Variants in OPHN1 observed in about 807,000 individuals in gnomAD.
The protein encoded by OPHN1 is oligophrenin-1.
In OPHN1, 11 loss-of-function variants were observed where a neutral mutation model predicts 60.7. The ratio of observed to expected loss-of-function variants is 0.18; its 90% CI spans 0.11 to 0.30. The LOEUF (loss-of-function observed/expected upper bound fraction) is 0.30. Among genes scored for constraint, OPHN1 ranks in the 10% least tolerant of loss-of-function variants. OPHN1 has a pLI of 1.00. For synonymous variants in OPHN1, 226 were observed against 222.6 expected (o/e 1.02, Z -0.14); for missense variants, 449 against 611.0 (o/e 0.73, Z 2.80).
chrX:68,137,398 T>G (rs1280256243), intron 15 of OPHN1, among the ~76,000 whole-genome samples: 6 of 112,013 alleles, frequency 5.4e-5, no homozygotes, highest in Non-Finnish European at 1.1e-4. Flanking sequence ...AAACAATGAC[T>G]TCTATCTCGA....
chrX:68,408,983 T>C (rs1475500872), intron 2 of OPHN1, among the ~76,000 whole-genome samples: 1 of 112,236 alleles, frequency 8.9e-6, no homozygotes, highest in Admixed American at 9.4e-5. Context: ...TAATAATAAT[T>C]AGCAACTAAT....
intron 6 of OPHN1, among the ~76,000 whole-genome samples, chrX:68,232,409 G>A (rs1259581048): frequency 6.3e-5 from 7 of 111,217 alleles, no homozygotes; most frequent in Non-Finnish European, 1.3e-4. Flanking sequence ...GATCTCTCAC[G>A]GTGGTGTCAC....
intron 2 of OPHN1, among the ~76,000 whole-genome samples, chrX:68,318,839 GAGA>G (rs2078221792): frequency 9.0e-6 from 1 of 111,463 alleles, no homozygotes; most frequent in African/African-American, 3.3e-5. Context: ...TGCCGGTTTT[GAGA>G]AGTACTGCTC....
chrX:68,087,308 G>T (rs777283285), intron 19 of OPHN1, among the ~76,000 whole-genome samples: 1 of 112,146 alleles, frequency 8.9e-6, no homozygotes, highest in Non-Finnish European at 1.9e-5. Context: ...ATGGGCCTTG[G>T]CTGTTGTTTT....
chrX:68,205,881 C>A (rs1260096691), intron 10 of OPHN1, among the ~76,000 whole-genome samples: 1 of 110,994 alleles, frequency 9.0e-6, no homozygotes, highest in African/African-American at 3.3e-5. Flanking sequence ...GGGAAAGAGG[C>A]ACATTGAACT....
At chrX:68,152,889 G>A in intron 15 of OPHN1, among the ~76,000 whole-genome samples, 1 of 111,068 alleles carries the variant, frequency 9.0e-6, no homozygotes, top group Non-Finnish European at 1.9e-5. Flanking sequence ...GCAGACAATA[G>A]CTGTTAACAG....
intron 4 of OPHN1, among the ~76,000 whole-genome samples, chrX:68,276,474 T>TA (rs2077992208): frequency 9.0e-6 from 1 of 111,530 alleles, no homozygotes; most frequent in East Asian, 2.8e-4. Context: ...CACTAACAAT[T>TA]ATGGTATCAA....
At chrX:68,426,552 T>TTATA (rs765336463) in intron 2 of OPHN1, among the ~76,000 whole-genome samples, 745 of 16,175 alleles carry the variant, frequency 0.046, 63 homozygotes, top group African/African-American at 0.062. Context: ...GACATCTGTT[T>TTATA]TATATATATA....
chrX:68,126,221 TATAGAAAAAGC>T (rs2077171221), intron 15 of OPHN1, among the ~76,000 whole-genome samples: 1 of 109,154 alleles, frequency 9.2e-6, no homozygotes, highest in Non-Finnish European at 1.9e-5. Context: ...AAAATCTGGG[TATAGAAAAAGC>T]ATGGCCCTGC....
chrX:68,221,020 T>C (rs1209902425), intron 6 of OPHN1, among the ~76,000 whole-genome samples: 1 of 104,207 alleles, frequency 9.6e-6, no homozygotes, highest in Non-Finnish European at 2.0e-5. Context: ...CATGATTGTA[T>C]ATCTAGAAAA....
intron 2 of OPHN1, among the ~76,000 whole-genome samples, chrX:68,373,405 C>G (rs1257531713): frequency 8.9e-6 from 1 of 111,970 alleles, no homozygotes; most frequent in Non-Finnish European, 1.9e-5. Flanking sequence ...TTTCCTTTAC[C>G]CATTTAATCC....
intron 2 of OPHN1, among the ~76,000 whole-genome samples, chrX:68,411,694 A>T (rs2078770359): frequency 8.9e-6 from 1 of 111,922 alleles, no homozygotes. Flanking sequence ...TGTAGTTTGC[A>T]AATATATTCT....
At chrX:68,290,313 T>G (rs1218514896) in intron 3 of OPHN1, among the ~76,000 whole-genome samples, 1 of 110,619 alleles carries the variant, frequency 9.0e-6, no homozygotes, top group Non-Finnish European at 1.9e-5. Context: ...GCTACAAAAA[T>G]TAGGGCCAGG....
chrX:68,361,726 G>A (rs1312021062), intron 2 of OPHN1, among the ~76,000 whole-genome samples: 1 of 110,960 alleles, frequency 9.0e-6, no homozygotes, highest in Non-Finnish European at 1.9e-5. Context: ...AATGAACACA[G>A]GAGTGCAGAC....
In OPHN1 at chrX:68,283,079, C is replaced by T; in HGVS notation, c.289G>A (p.Val97Ile). The T allele has an allele frequency of 8.3e-7, 1 of 1,208,191 alleles. No individual in the cohort carries two copies. The highest frequency in any genetic ancestry group is 1.1e-6 in the Non-Finnish European group (1 of 892,477). The change falls in exon 4 of 25, where the codon GTA becomes ATA. Residue 97 changes from valine (V) to isoleucine (I), a missense_variant. By Grantham distance (29) the Val-to-Ile change is conservative. Transcript: ENST00000355520. ...FKEFAELLNEVENERMMMVHN... is the reference protein window; with the variant it reads ...FKEFAELLNEIENERMMMVHN... Reference sequence around the variant, plus strand: ...ACCATCATCATCCTCTCATTTTCTACCTCGTTGAGCAATTCAGCAAATTCC... The same window carrying T: ...ACCATCATCATCCTCTCATTTTCTATCTCGTTGAGCAATTCAGCAAATTCC...
At chrX:68,049,030 C>T (rs952199940) in intron 23 of OPHN1, among the ~76,000 whole-genome samples, 1 of 111,378 alleles carries the variant, frequency 9.0e-6, no homozygotes, top group Non-Finnish European at 1.9e-5. Flanking sequence ...TCTGTTTACA[C>T]TTACTCCCTG....
intron 21 of OPHN1, among the ~76,000 whole-genome samples, chrX:68,061,044 CA>C (rs2076891009): frequency 9.0e-6 from 1 of 111,519 alleles, no homozygotes; most frequent in South Asian, 3.8e-4. Flanking sequence ...GCAACTATAC[CA>C]GAGGTTTGGG....
intron 15 of OPHN1, among the ~76,000 whole-genome samples, chrX:68,141,496 C>A (rs1362312273): frequency 9.0e-6 from 1 of 111,308 alleles, no homozygotes; most frequent in Non-Finnish European, 1.9e-5. Flanking sequence ...CTTAGGCAGG[C>A]CCTTCCCAAC....
At chrX:68,199,319 T>C (rs1413171163) in intron 11 of OPHN1, among the ~76,000 whole-genome samples, 1 of 109,607 alleles carries the variant, frequency 9.1e-6, no homozygotes, top group African/African-American at 3.3e-5. Flanking sequence ...CTGGGCAACA[T>C]AGCAAGGTCC....
Sources: gnomAD v4.1 joint callset for allele counts (sites outside exome capture counted in the v4.1 genomes callset) on GRCh38, gnomAD v4.1.1 for gene constraint, MANE v1.5 for transcripts, NCBI Gene and HGNC (gene_info 2026-07-23, HGNC 2026-07-21) for gene names.